Variants in TOM1L1 observed in about 807,000 individuals in gnomAD.
The protein encoded by TOM1L1 is target of myb1 like 1 membrane trafficking protein, also known as TOM1-like protein 1.
TOM1L1 carries 64 observed loss-of-function variants against 63.4 expected under a neutral mutation model. The observed-to-expected ratio is 1.01, with a 90% CI of 0.83 to 1.24. The LOEUF (loss-of-function observed/expected upper bound fraction) is 1.24, where lower values mean the gene tolerates loss of function less well. Among genes scored for constraint, TOM1L1 ranks in the 50% most tolerant of loss-of-function variants. The probability of loss-of-function intolerance (pLI) is 0.00; values close to 1 mark genes in which losing one functional copy is unlikely to be tolerated. For missense variants in TOM1L1, 536 were observed against 567.0 expected, an observed-to-expected ratio of 0.95 and a Z score of 0.55; for synonymous variants, 166 against 194.4, an observed-to-expected ratio of 0.85 and a Z score of 1.22.
chr17:54,906,913 G>A (rs750430428), intron 3 of TOM1L1: 19 of 625,372 alleles, frequency 3.0e-5, no homozygotes, highest in Non-Finnish European at 3.8e-5. Context: ...ACTGTGCATG[G>A]TCACGGCACT....
chr17:54,904,857 TAAATG>T (rs1208006790), intron 2 of TOM1L1, among the ~76,000 whole-genome samples: 1 of 152,234 alleles, frequency 6.6e-6, no homozygotes, highest in Admixed American at 6.5e-5. Flanking sequence ...TGATTATAAA[TAAATG>T]GAAAGCGCTT....
chr17:54,915,666 C>A, intron 6 of TOM1L1, 80 bp from the exon 7 acceptor site: 1 of 960,652 alleles, frequency 1.0e-6, no homozygotes, highest in Non-Finnish European at 1.5e-6. Flanking sequence ...TTTCATCCAG[C>A]AAATGTCCCA....
intron 14 of TOM1L1, chr17:54,954,490 C>T (rs1015821273): frequency 6.6e-6 from 1 of 152,308 alleles, no homozygotes; most frequent in Non-Finnish European, 1.5e-5. Flanking sequence ...CCTGCTATTG[C>T]CATAGCAGGA....
rs1300018542 is a variant in TOM1L1 at position 54,949,641 on chromosome 17, A to G, written c.1288+18A>G. On this transcript the variant is annotated intron_variant, in intron 13 of 15. Coordinates refer to ENST00000575882, the MANE Select transcript of TOM1L1 (RefSeq NM_005486.3). Reference sequence around the variant, plus strand: ...TCATCCAGGTACATGGGACCTTATTATTCGCATCAAATAAGGAAACTTATG... The same window carrying G: ...TCATCCAGGTACATGGGACCTTATTGTTCGCATCAAATAAGGAAACTTATG... 1 of 1,569,008 alleles carries G rather than the reference A, an allele frequency of 6.4e-7. No homozygotes were observed. Among genetic ancestry groups the G allele is most frequent in the Non-Finnish European group, 8.8e-7 (1 of 1,139,118 alleles).
At chr17:54,930,019 CTT>C in intron 7 of TOM1L1, 52 bp from the exon 8 acceptor site, 1 of 1,610,360 alleles carries the variant, frequency 6.2e-7, no homozygotes, top group South Asian at 1.1e-5. Flanking sequence ...AGTCAGATGT[CTT>C]TATAGAATGT....
intron 11 of TOM1L1, among the ~76,000 whole-genome samples, chr17:54,940,424 ATATC>A (rs1423449831): frequency 6.6e-6 from 1 of 152,212 alleles, no homozygotes; most frequent in East Asian, 1.9e-4. Context: ...GCAGGTGGCA[ATATC>A]TATTAAAATT....
Position 54,912,786 on chromosome 17 carries a change from A to T in TOM1L1, c.343A>T (p.Ile115Phe). The T allele has an allele frequency of 3.7e-6, 6 of 1,609,046 alleles. No individual in the cohort carries two copies. Among genetic ancestry groups the T allele is most frequent in the Non-Finnish European group, 5.1e-6 (6 of 1,178,708 alleles). Reference sequence around the variant, plus strand: ...TCCCAGATACAACTTGCCATTAGACATTCAGAATAGAATCTTGAATTTCAT... The same window carrying T: ...TCCCAGATACAACTTGCCATTAGACTTTCAGAATAGAATCTTGAATTTCAT... ...LNPRYNLPLDIQNRILNFIKT... is the reference protein window; with the variant it reads ...LNPRYNLPLDFQNRILNFIKT... Residue 115 changes from isoleucine (I) to phenylalanine (F), a missense_variant, in exon 4 of 16, where the codon ATT becomes TTT. By Grantham distance (21) the Ile-to-Phe change is conservative. Transcript: ENST00000575882.
intron 10 of TOM1L1, chr17:54,938,689 G>A (rs1431150276): frequency 1.5e-5 from 6 of 388,506 alleles, no homozygotes; most frequent in Non-Finnish European, 2.7e-5. Flanking sequence ...TCTCATGGCA[G>A]GGAAATTCTT....
chr17:54,918,430 C>T lies in TOM1L1; in HGVS notation c.720+2568C>T, dbSNP rs181486923. Among the ~76,000 whole-genome samples the T allele has an allele frequency of 1.2e-3, 184 of 152,252 alleles. 2 individuals carry two copies. The highest frequency in any genetic ancestry group is 2.1e-4 in the Non-Finnish European group (14 of 68,020). On this transcript the variant is annotated intron_variant, in intron 7 of 15. Coordinates refer to ENST00000575882, the MANE Select transcript of TOM1L1 (RefSeq NM_005486.3). The stretch of plus-strand genomic sequence containing the variant: ...GTTAATGGATATGAGTTTGTGGTAT[C>T]GCTCAGGTGTGTAGGGATGAGAAGA...
chr17:54,944,487 A>G (rs908788253), intron 11 of TOM1L1, among the ~76,000 whole-genome samples: 3 of 151,868 alleles, frequency 2.0e-5, no homozygotes, highest in Non-Finnish European at 4.4e-5. Flanking sequence ...AAAATAGTCT[A>G]TTATATTTAC....
At position 54,900,987 on chromosome 17, in the gene TOM1L1, T is replaced by C. The variant is rs1295889527; in HGVS notation, c.58+64T>C. The stretch of plus-strand genomic sequence containing the variant: ...GACCGTGGGATCCTTTCCTGCTTGA[T>C]CCATTCTCGGCCTGCAGAGGACGGA... On this transcript the variant is annotated intron_variant, in intron 1 of 15. Coordinates refer to ENST00000575882, the MANE Select transcript of TOM1L1 (RefSeq NM_005486.3). 3 of 1,607,028 alleles carry C rather than the reference T, an allele frequency of 1.9e-6. No individual in the cohort carries two copies. In the African/African-American group the frequency reaches 4.0e-5, roughly 21 times the overall value.
At chr17:54,946,065 T>G (rs2049113288) in intron 11 of TOM1L1, among the ~76,000 whole-genome samples, 1 of 152,188 alleles carries the variant, frequency 6.6e-6, no homozygotes, top group African/African-American at 2.4e-5. Context: ...AGTTTTAGCC[T>G]TCTTCTATGG....
chr17:54,916,035 G>T (rs1366807423), intron 7 of TOM1L1, 173 bp downstream of exon 7: 2 of 498,134 alleles, frequency 4.0e-6, no homozygotes, highest in Non-Finnish European at 7.0e-6. Flanking sequence ...TGTCAGAAAT[G>T]CAGTAGTAAC....
At chr17:54,919,614 C>T (rs2048648251) in intron 7 of TOM1L1, among the ~76,000 whole-genome samples, 1 of 152,118 alleles carries the variant, frequency 6.6e-6, no homozygotes, top group East Asian at 1.9e-4. Context: ...AGTAAAGAGT[C>T]TTAGGTTATA....
At chr17:54,942,394 C>G (rs939502264) in intron 11 of TOM1L1, 1 of 152,156 alleles carries the variant, frequency 6.6e-6, no homozygotes, top group Admixed American at 6.5e-5. Flanking sequence ...CAGGCATGAG[C>G]CACTGTGCCC....
chr17:54,943,520 T>C (rs1158661938), intron 11 of TOM1L1, among the ~76,000 whole-genome samples: 1 of 151,072 alleles, frequency 6.6e-6, no homozygotes, highest in Non-Finnish European at 1.5e-5. Flanking sequence ...TTAAAGTAGC[T>C]GATTCTTTTC....
At chr17:54,930,248 A>G (rs760094989) in intron 8 of TOM1L1, 42 bp downstream of exon 8, 2 of 1,610,946 alleles carry the variant, frequency 1.2e-6, no homozygotes, top group South Asian at 1.1e-5. Flanking sequence ...TTCCATTTCT[A>G]CTTTCACCAC....
chr17:54,961,517 A>C lies in TOM1L1; in HGVS notation c.*284A>C. 7.1e-7 allele frequency: 1 copy of C among 1,409,810 alleles called. No homozygotes were observed. The highest frequency in any genetic ancestry group is 1.6e-5 in the South Asian group (1 of 63,210). The allele number at this position is 1,409,810 out of a possible 1,614,324, so 87.3% of individuals were successfully genotyped here. A position where few individuals can be genotyped will look rare whatever the true frequency, so the allele number is the denominator to read the frequency against. On this transcript the variant is annotated 3_prime_UTR_variant, in exon 16 of 16. Coordinates refer to ENST00000575882, the MANE Select transcript of TOM1L1 (RefSeq NM_005486.3). ...TCCTTAGGCCAACCAATTTAACTGC[A>C]GTGTCATGTTTCACAGGCCTTCCTA...
intron 11 of TOM1L1, among the ~76,000 whole-genome samples, chr17:54,944,204 T>C (rs1290220377): frequency 2.0e-5 from 3 of 152,082 alleles, no homozygotes; most frequent in Admixed American, 1.3e-4. Context: ...TCCCAACACT[T>C]TGGGAGGACG....
Sources: allele counts gnomAD v4.1 joint callset (sites outside exome capture counted in the v4.1 genomes callset), GRCh38; gene constraint gnomAD v4.1.1; transcripts MANE v1.5; gene names NCBI Gene and HGNC (gene_info 2026-07-23, HGNC 2026-07-21).